The following ZNF536 variants were observed in gnomAD, a reference collection of about 807,000 sequenced individuals.
ZNF536 encodes zinc finger protein 536.
A neutral mutation model predicts 84.5 loss-of-function variants in ZNF536; 13 were observed. That is an observed-to-expected ratio of 0.15 (90% CI 0.10 to 0.24). The LOEUF (loss-of-function observed/expected upper bound fraction) is 0.24, where lower values mean the gene tolerates loss of function less well. Ranked by LOEUF, ZNF536 falls within the 10% of genes least tolerant of loss-of-function variation. The pLI, the probability that ZNF536 is intolerant of heterozygous loss-of-function variation, is 1.00. For missense variants in ZNF536, 1,536 were observed against 1,747.5 expected (o/e 0.88, Z 2.16); for synonymous variants, 811 against 742.5 (o/e 1.09, Z -1.50).
At chr19:30,450,075 ATTTTTT>A (rs34039352) in intron 2 of ZNF536, among the ~76,000 whole-genome samples, 1 of 131,862 alleles carries the variant, frequency 7.6e-6, no homozygotes, top group Admixed American at 7.7e-5. Context: ...TAAGATCTTC[ATTTTTT>A]TTTTTTTTTT....
intron 1 of ZNF536, among the ~76,000 whole-genome samples, chr19:30,642,868 G>C (rs1278216292): frequency 6.6e-6 from 1 of 152,186 alleles, no homozygotes; most frequent in African/African-American, 2.4e-5. Flanking sequence ...GAAAGAGGCT[G>C]TGTGGGGGGT....
chr19:30,453,129 G>A (rs865913469), intron 2 of ZNF536, among the ~76,000 whole-genome samples: 5 of 152,136 alleles, frequency 3.3e-5, no homozygotes, highest in African/African-American at 7.2e-5. Context: ...TGGCACTGCC[G>A]CAGCCAGGCG....
At chr19:30,351,020 G>C (rs1265775944) in intron 2 of ZNF536, among the ~76,000 whole-genome samples, 1 of 152,210 alleles carries the variant, frequency 6.6e-6, no homozygotes, top group Middle Eastern at 3.2e-3. Flanking sequence ...ACAATTTAAT[G>C]TCATTCTGAG....
intron 2 of ZNF536, among the ~76,000 whole-genome samples, chr19:30,509,803 G>A (rs1048798582): frequency 4.6e-5 from 7 of 152,156 alleles, no homozygotes; most frequent in South Asian, 2.1e-4. Context: ...TATCTGATCC[G>A]AAGTACAATG....
chr19:30,355,771 T>C (rs1204942905), intron 3 of ZNF536, among the ~76,000 whole-genome samples: 6 of 152,262 alleles, frequency 3.9e-5, no homozygotes, highest in East Asian at 3.9e-4. Flanking sequence ...TAGATTTTCA[T>C]AGGATCCCAG....
At chr19:30,454,298 C>T (rs1027636522) in intron 2 of ZNF536, among the ~76,000 whole-genome samples, 16 of 152,196 alleles carry the variant, frequency 1.1e-4, no homozygotes, top group African/African-American at 3.1e-4. Context: ...AACAGGATCG[C>T]GCCACAGTGC....
At chr19:30,402,181 C>G (rs552421672) in intron 1 of ZNF536, among the ~76,000 whole-genome samples, 1 of 152,074 alleles carries the variant, frequency 6.6e-6, no homozygotes, top group Admixed American at 6.5e-5. Flanking sequence ...GTGTAAAGAA[C>G]CTTCTTTAAT....
At chr19:30,514,878 C>G (rs554448572) in intron 2 of ZNF536, among the ~76,000 whole-genome samples, 15 of 152,196 alleles carry the variant, frequency 9.9e-5, no homozygotes, top group African/African-American at 3.6e-4. Flanking sequence ...CTGCTCTGTC[C>G]TTACTAGCTG....
At chr19:30,551,905 A>G (rs1436029253) in intron 4 of ZNF536, among the ~76,000 whole-genome samples, 1 of 151,970 alleles carries the variant, frequency 6.6e-6, no homozygotes, top group African/African-American at 2.4e-5. Context: ...CTCCCCCCAT[A>G]TCTGGCCCAC....
At chr19:30,489,826 G>A (rs1223076197) in intron 2 of ZNF536, among the ~76,000 whole-genome samples, 2 of 152,240 alleles carry the variant, frequency 1.3e-5, no homozygotes, top group African/African-American at 4.8e-5. Context: ...CCAGATTTCT[G>A]CAAATACAAA....
intron 2 of ZNF536, among the ~76,000 whole-genome samples, chr19:30,465,705 A>G (rs1293336231): frequency 1.3e-5 from 2 of 151,784 alleles, no homozygotes; most frequent in Non-Finnish European, 2.9e-5. Context: ...AGCCTGGCCA[A>G]CATGGCAAAA....
chr19:30,665,379 T>C (rs1262095511), intron 1 of ZNF536: 1 of 152,100 alleles, frequency 6.6e-6, no homozygotes, highest in Admixed American at 6.6e-5. Context: ...ATAATAATAA[T>C]CCATAAGCAG....
intron 1 of ZNF536, among the ~76,000 whole-genome samples, chr19:30,586,420 CAAAT>C (rs1056390334): frequency 2.6e-5 from 4 of 152,312 alleles, no homozygotes; most frequent in African/African-American, 7.2e-5. Context: ...GAGAGGAAGA[CAAAT>C]GAATTCAGAA....
At chr19:30,479,677 T>G (rs1297809775) in intron 2 of ZNF536, among the ~76,000 whole-genome samples, 1 of 152,194 alleles carries the variant, frequency 6.6e-6, no homozygotes, top group East Asian at 1.9e-4. Context: ...CTGTTGGGTT[T>G]TTGTCCCTGT....
chr19:30,258,214 C>T (rs914670484), intron 1 of ZNF536, among the ~76,000 whole-genome samples: 5 of 152,154 alleles, frequency 3.3e-5, no homozygotes, highest in African/African-American at 4.8e-5. Flanking sequence ...ATGAAGGTGT[C>T]GCCTACACAA....
rs569605194 is a variant in ZNF536, at chr19:30,259,793, C to G, written c.-189-24279C>G. 3.3e-5 allele frequency among the ~76,000 whole-genome samples: 5 copies of G among 152,270 alleles called. No individual in the cohort carries two copies. In the East Asian group the frequency reaches 9.6e-4, roughly 29 times the overall value. On this transcript the variant is annotated intron_variant, in intron 1 of 5. Coordinates refer to the ZNF536 transcript ENST00000585628. ...TCTGAGACAGAGTCTTGCTCTGTCACCCAGGCTGGAGTGCAGTGGTGCGAT... is the reference window on the plus strand; with the variant it reads ...TCTGAGACAGAGTCTTGCTCTGTCAGCCAGGCTGGAGTGCAGTGGTGCGAT...
At chr19:30,681,328 T>C (rs1159329553) in intron 1 of ZNF536, among the ~76,000 whole-genome samples, 3 of 152,086 alleles carry the variant, frequency 2.0e-5, no homozygotes, top group Non-Finnish European at 1.5e-5. Context: ...GGAGGTGTGC[T>C]AAGTTTGAGT....
At chr19:30,587,328 C>T (rs755866264) in intron 1 of ZNF536, among the ~76,000 whole-genome samples, 4 of 152,194 alleles carry the variant, frequency 2.6e-5, no homozygotes, top group African/African-American at 4.8e-5. Context: ...GATCTATTCT[C>T]AGAAGGGTTT....
intron 2 of ZNF536, among the ~76,000 whole-genome samples, chr19:30,468,134 C>T (rs11667594): frequency 0.048 from 7,351 of 152,304 alleles, 248 homozygotes; most frequent in Non-Finnish European, 0.075. Context: ...CAGAAAACAA[C>T]CCCTGTGGTC....
Sources: allele counts gnomAD v4.1 joint callset (sites outside exome capture counted in the v4.1 genomes callset), GRCh38; gene constraint gnomAD v4.1.1; transcripts MANE v1.5; gene names NCBI Gene and HGNC (gene_info 2026-07-23, HGNC 2026-07-21).